Variants in SAMM50 observed in about 807,000 individuals in gnomAD.
The protein encoded by SAMM50 is SAMM50 sorting and assembly machinery component, also known as sorting and assembly machinery component 50 homolog.
Under a neutral mutation model 66.9 loss-of-function variants are expected in SAMM50, and 47 were observed. The observed-to-expected ratio is 0.70, with a 90% CI of 0.56 to 0.90. The LOEUF is 0.90. Ranked by LOEUF, SAMM50 falls within the 40% of genes least tolerant of loss-of-function variation. The pLI is 0.00. For synonymous variants in SAMM50, 191 were observed against 214.1 expected, an observed-to-expected ratio of 0.89 and a Z score of 0.94; for missense variants, 535 against 595.3, an observed-to-expected ratio of 0.90 and a Z score of 1.05.
chr22:43,986,905 CA>C (rs2050297448), intron 12 of SAMM50: 1 of 152,162 alleles, frequency 6.6e-6, no homozygotes, highest in Non-Finnish European at 1.5e-5. Flanking sequence ...TCATTATAAG[CA>C]ACAACTACAC....
At chr22:43,957,152 T>C (rs754239936) in intron 1 of SAMM50, 6 of 769,758 alleles carry the variant, frequency 7.8e-6, no homozygotes, top group Non-Finnish European at 1.4e-5. Flanking sequence ...CAGAATTCTA[T>C]TTGGGCTCAT....
intron 4 of SAMM50, among the ~76,000 whole-genome samples, chr22:43,971,994 C>T (rs1313140277): frequency 6.6e-6 from 1 of 152,186 alleles, no homozygotes; most frequent in Non-Finnish European, 1.5e-5. Context: ...TCACTGTGCT[C>T]AGCCCTGTTT....
chr22:43,966,101 A>C (rs1397407945), intron 3 of SAMM50, among the ~76,000 whole-genome samples: 1 of 152,172 alleles, frequency 6.6e-6, no homozygotes, highest in African/African-American at 2.4e-5. Context: ...TGGCCTTCCA[A>C]AGTGCTGGGA....
Position 43,976,145 on chromosome 22 carries a change from C to A in SAMM50, c.739C>A (p.Arg247=), listed in dbSNP as rs756181628. The A allele has an allele frequency of 1.2e-6, 2 of 1,609,308 alleles. No homozygotes were observed. Among genetic ancestry groups the A allele is most frequent in the African/African-American group, 1.3e-5 (1 of 74,952 alleles). The part of the protein sequence containing the change: ...CLSRTASFAV[R]KESGHSLKSS... ...CTCAAGGACGGCGTCATTTGCTGTT[C>A]GAAAAGAAAGCGGACATTCACTGAA... Residue 247 remains arginine (R), a synonymous_variant, in exon 8 of 15, where the codon CGA becomes AGA. Coordinates refer to ENST00000350028, the MANE Select transcript of SAMM50 (RefSeq NM_015380.5).
At chr22:43,964,685 C>T in intron 3 of SAMM50, 132 bp downstream of exon 3, 1 of 557,120 alleles carries the variant, frequency 1.8e-6, no homozygotes, top group Non-Finnish European at 3.3e-6. Flanking sequence ...CCACAGGGAG[C>T]CTTGGCACCC....
At chr22:43,972,810 A>C (rs2050210189) in intron 5 of SAMM50, 61 bp from the exon 6 acceptor site, 1 of 1,483,106 alleles carries the variant, frequency 6.7e-7, no homozygotes, top group Non-Finnish European at 9.2e-7. Flanking sequence ...GTCTTTATCC[A>C]ATCCAAAGTT....
At chr22:43,986,497 C>G (rs1458227516) in intron 12 of SAMM50, 1 of 152,116 alleles carries the variant, frequency 6.6e-6, no homozygotes, top group Non-Finnish European at 1.5e-5. Context: ...AACTTTAAAA[C>G]ATCATTTAAG....
In SAMM50 at chr22:43,990,327, G is replaced by A. The variant is rs747726024; in HGVS notation, c.1285G>A (p.Gly429Arg). ...GTGCATCCGCTGGTCGTACGGGGCCGGGATTGTCCTCAGGCTTGGCAACAT... is the reference window on the plus strand; with the variant it reads ...GTGCATCCGCTGGTCGTACGGGGCCAGGATTGTCCTCAGGCTTGGCAACAT... ...AECIRWSYGAGIVLRLGNIAR... is the reference protein window; with the variant it reads ...AECIRWSYGARIVLRLGNIAR... Residue 429 changes from glycine (G) to arginine (R), a missense_variant, in exon 14 of 15, where the codon GGG (glycine) becomes AGG (arginine). Physicochemically the swap from Gly to Arg is moderately radical, Grantham distance 125. Coordinates refer to ENST00000350028, the MANE Select transcript of SAMM50 (RefSeq NM_015380.5). 10 of 1,614,146 alleles carry A rather than the reference G, an allele frequency of 6.2e-6. No homozygotes were observed. Among genetic ancestry groups the A allele is most frequent in the South Asian group, 4.4e-5 (4 of 91,084 alleles).
chr22:43,996,190 T>G, intron 14 of SAMM50, 148 bp from the exon 15 acceptor site: 2 of 818,514 alleles, frequency 2.4e-6, no homozygotes, highest in Non-Finnish European at 4.3e-6. Flanking sequence ...CCGGGGCCGG[T>G]GAGGGTGAGG....
intron 14 of SAMM50, among the ~76,000 whole-genome samples, chr22:43,991,530 A>G (rs1297478586): frequency 6.6e-6 from 1 of 152,164 alleles, no homozygotes; most frequent in Non-Finnish European, 1.5e-5. Context: ...GGCCTCCCAA[A>G]GTACTGGGAT....
intron 10 of SAMM50, among the ~76,000 whole-genome samples, chr22:43,981,117 G>A (rs1480428739): frequency 1.3e-5 from 2 of 152,238 alleles, no homozygotes; most frequent in Non-Finnish European, 2.9e-5. Flanking sequence ...GCAGAGCAGG[G>A]GCCTGCCCTG....
chr22:43,968,056 T>C (rs963981423), intron 3 of SAMM50, among the ~76,000 whole-genome samples: 1 of 151,452 alleles, frequency 6.6e-6, no homozygotes, highest in Admixed American at 6.6e-5. Context: ...ATCCTATGTC[T>C]GCTAAACATA....
At chr22:43,984,196 T>C (rs1387932905) in intron 12 of SAMM50, among the ~76,000 whole-genome samples, 196 bp downstream of exon 12, 1 of 152,168 alleles carries the variant, frequency 6.6e-6, no homozygotes, top group African/African-American at 2.4e-5. Context: ...AGAAAATATA[T>C]CTGAGCAAAA....
intron 11 of SAMM50, among the ~76,000 whole-genome samples, chr22:43,982,298 T>C (rs2050268851): frequency 6.6e-6 from 1 of 152,258 alleles, no homozygotes. Flanking sequence ...ATTGTAGCAT[T>C]GCTGATGAAT....
In SAMM50 at chr22:43,996,319, ATC is replaced by A. The variant is rs2050354615; in HGVS notation, c.1365-14_1365-13del. Reference sequence around the variant, plus strand: ...GCTGGCGGAGCGGCCGCCGCATCTGATCTCTCCCCTTTTTTTAGGATATGTGA... The same window carrying A: ...GCTGGCGGAGCGGCCGCCGCATCTGATCTCCCCTTTTTTTAGGATATGTGA... On this transcript the variant is annotated splice_polypyrimidine_tract_variant and intron_variant, in intron 14 of 14. Transcript: ENST00000350028. The A allele has an allele frequency of 2.5e-6, 4 of 1,613,766 alleles. No homozygotes were observed. Among genetic ancestry groups the A allele is most frequent in the East Asian group, 4.5e-5 (2 of 44,858 alleles).
At chr22:43,977,826 A>C in intron 9 of SAMM50, 46 bp from the exon 10 acceptor site, 1 of 1,294,324 alleles carries the variant, frequency 7.7e-7, no homozygotes, top group Non-Finnish European at 1.1e-6. Context: ...TAGCCCCTGT[A>C]ATAAGTCTGT....
rs763893374 is a variant in SAMM50, at chr22:43,973,015, C to CATCT, written c.560+15_560+16insTCTA. The CATCT allele has an allele frequency of 6.3e-7, 1 of 1,586,818 alleles. No homozygotes were observed. The highest frequency in any genetic ancestry group is 1.2e-5 in the South Asian group (1 of 85,132). The stretch of plus-strand genomic sequence containing the variant: ...CTTCGAAAGAAAGTAGGAAGCCCAA[C>CATCT]AGATCATTGAGTACACTGGCCTGAT... On this transcript the variant is annotated intron_variant, in intron 6 of 14. Transcript: ENST00000350028.
Position 43,963,294 on chromosome 22 carries a change from G to A in SAMM50, c.30G>A (p.Glu10=). ...CGCTCCCTCCCTTTCAGAGTTTGGA[G>A]CCTCTTCCATCAAGTGGACCTGATT... MGTVHARSL[E]PLPSSGPDFG... is the part of the protein sequence containing the mutation. Residue 10 remains glutamate (E), a synonymous_variant, in exon 2 of 15, where the codon GAG becomes GAA. Transcript: ENST00000350028. The A allele has an allele frequency of 6.2e-7, 1 of 1,608,160 alleles. No individual in the cohort carries two copies. Among genetic ancestry groups the A allele is most frequent in the Non-Finnish European group, 8.5e-7 (1 of 1,177,224 alleles).
chr22:43,993,916 A>G (rs573752374), intron 14 of SAMM50, among the ~76,000 whole-genome samples: 1 of 152,324 alleles, frequency 6.6e-6, no homozygotes, highest in South Asian at 2.1e-4. Flanking sequence ...GTTATGTCGC[A>G]AGTGATTTGT....
Sources: gnomAD v4.1 joint callset for allele counts (sites outside exome capture counted in the v4.1 genomes callset) on GRCh38, gnomAD v4.1.1 for gene constraint, MANE v1.5 for transcripts, NCBI Gene and HGNC (gene_info 2026-07-23, HGNC 2026-07-21) for gene names.